Variants in SMC5 observed in about 807,000 individuals in gnomAD.
The protein encoded by SMC5 is structural maintenance of chromosomes protein 5.
Under a neutral mutation model 148.3 loss-of-function variants are expected in SMC5, and 88 were observed. The observed-to-expected ratio is 0.59, with a 90% CI of 0.50 to 0.71. SMC5 has a LOEUF of 0.71. Among genes scored for constraint, SMC5 ranks in the 30% least tolerant of loss-of-function variants. The probability of loss-of-function intolerance (pLI) is 0.00; values close to 1 mark genes in which losing one functional copy is unlikely to be tolerated. For synonymous variants in SMC5, 421 were observed against 432.8 expected, an observed-to-expected ratio of 0.97 and a Z score of 0.34; for missense variants, 1,142 against 1,298.9, an observed-to-expected ratio of 0.88 and a Z score of 1.86.
intron 11 of SMC5, among the ~76,000 whole-genome samples, chr9:70,313,477 AGTT>A (rs2035713017): frequency 6.6e-6 from 1 of 151,678 alleles, no homozygotes; most frequent in Non-Finnish European, 1.5e-5. Flanking sequence ...TATGCTTAGT[AGTT>A]GTTTTTTTTG....
intron 8 of SMC5, 66 bp from the exon 9 acceptor site, chr9:70,297,900 A>G (rs890987169): frequency 5.6e-5 from 85 of 1,517,886 alleles, no homozygotes; most frequent in Non-Finnish European, 7.4e-5. Context: ...AAACTATATT[A>G]CTACAGAAGT....
intron 17 of SMC5, among the ~76,000 whole-genome samples, chr9:70,324,923 C>T (rs2036039301): frequency 1.3e-5 from 2 of 152,162 alleles, no homozygotes. Context: ...TTACTCTTTT[C>T]TTGTGCAGTT....
At chr9:70,337,980 T>C (rs905197149) in intron 17 of SMC5, among the ~76,000 whole-genome samples, 1 of 152,154 alleles carries the variant, frequency 6.6e-6, no homozygotes. Flanking sequence ...TTTGATTATA[T>C]TTTAATAGTG....
In SMC5 at chr9:70,259,065, C is replaced by T; in HGVS notation, c.-14C>T. The T allele has an allele frequency of 6.3e-7, 1 of 1,595,008 alleles. No homozygotes were observed. Among genetic ancestry groups the T allele is most frequent in the South Asian group, 1.1e-5 (1 of 88,808 alleles). ...TGGGAACGGAAGTCGCTGTGGGACG[C>T]TGAGGAAGCCAGGATGGCGACTCCG... On this transcript the variant is annotated 5_prime_UTR_variant, in exon 1 of 25. Transcript: ENST00000361138.
intron 17 of SMC5, among the ~76,000 whole-genome samples, chr9:70,327,175 A>G (rs1308981165): frequency 1.3e-5 from 2 of 152,198 alleles, no homozygotes. Context: ...AAAGTGGCCC[A>G]CTGGAGAAAT....
At chr9:70,287,370 G>A (rs1470902362) in intron 8 of SMC5, among the ~76,000 whole-genome samples, 4 of 151,954 alleles carry the variant, frequency 2.6e-5, no homozygotes, top group African/African-American at 4.8e-5. Context: ...TAAAAGTAAG[G>A]CATTAAAAGG....
At chr9:70,346,692 T>A in intron 19 of SMC5, 43 bp downstream of exon 19, 1 of 1,602,946 alleles carries the variant, frequency 6.2e-7, no homozygotes, top group Non-Finnish European at 8.5e-7. Context: ...CTGTTTTCCC[T>A]CTGCCTTGCT....
intron 17 of SMC5, among the ~76,000 whole-genome samples, chr9:70,337,450 G>T (rs1214837045): frequency 2.5e-4 from 30 of 119,956 alleles, no homozygotes; most frequent in African/African-American, 8.4e-4. Flanking sequence ...TTTGGGATTT[G>T]TTTTTTTTTT....
At chr9:70,307,674 T>C (rs1267236933) in intron 11 of SMC5, among the ~76,000 whole-genome samples, 1 of 152,146 alleles carries the variant, frequency 6.6e-6, no homozygotes, top group Admixed American at 6.5e-5. Flanking sequence ...GGCTAATTTT[T>C]TGTATTTTTA....
chr9:70,319,984 G>A (rs1476733127), intron 15 of SMC5, among the ~76,000 whole-genome samples: 1 of 152,032 alleles, frequency 6.6e-6, no homozygotes, highest in African/African-American at 2.4e-5. Context: ...AACAAATATT[G>A]TCAGTTATTT....
intron 11 of SMC5, among the ~76,000 whole-genome samples, chr9:70,313,559 A>G (rs763692593): frequency 6.6e-5 from 10 of 151,972 alleles, no homozygotes; most frequent in Non-Finnish European, 1.3e-4. Context: ...GTGCAATGGC[A>G]TGATCTTGGC....
chr9:70,259,012 G>T lies in SMC5; in HGVS notation c.-67G>T. Reference sequence around the variant, plus strand: ...GGGAGCGGGGCGCCTGGGTGGATGGGCGCTTGGGCGCCTGGGCTGCCGGAC... The same window carrying T: ...GGGAGCGGGGCGCCTGGGTGGATGGTCGCTTGGGCGCCTGGGCTGCCGGAC... On this transcript the variant is annotated 5_prime_UTR_variant, in exon 1 of 25. Coordinates refer to ENST00000361138, the MANE Select transcript of SMC5 (RefSeq NM_015110.4). 1 of 1,493,564 alleles carries T rather than the reference G, an allele frequency of 6.7e-7. No individual in the cohort carries two copies. Among genetic ancestry groups the T allele is most frequent in the East Asian group, 2.4e-5 (1 of 40,942 alleles). The allele number at this position is 1,493,564 out of a possible 1,614,324, so 92.5% of individuals were successfully genotyped here. A position where few individuals can be genotyped will look rare whatever the true frequency, so the allele number is the denominator to read the frequency against.
intron 1 of SMC5, among the ~76,000 whole-genome samples, chr9:70,262,981 G>C (rs2034180015): frequency 6.6e-6 from 1 of 152,030 alleles, no homozygotes; most frequent in African/African-American, 2.4e-5. Flanking sequence ...AATTGCAGAG[G>C]CTTTGTTTTT....
Position 70,314,743 on chromosome 9 carries a change from T to G in SMC5, c.1580T>G (p.Val527Gly). The part of the protein sequence containing the change: ...QEDMEVFLKE[V>G]RDNKKLRVNA... ...ATATTTTCTTTTCCCTATATTCAGG[T>G]TCGTGACAATAAAAAATTAAGAGTA... The change falls in exon 12 of 25, where the codon GTT (valine) becomes GGT (glycine). Residue 527 changes from valine (V) to glycine (G), a missense_variant and splice_region_variant. This residue lies in a region of SMC5 where 743 missense variants were observed against 835.7 expected (regional missense o/e 0.89). Transcript: ENST00000361138. The G allele has an allele frequency of 6.6e-7, 1 of 1,521,820 alleles. No homozygotes were observed. Among genetic ancestry groups the G allele is most frequent in the Non-Finnish European group, 8.9e-7 (1 of 1,121,496 alleles). 94.3% of individuals were successfully genotyped at this position (1,521,820 alleles called of 1,614,324 possible). A position where few individuals can be genotyped will look rare whatever the true frequency, so the allele number is the denominator to read the frequency against.
chr9:70,275,824 A>G (rs951950664), intron 3 of SMC5, among the ~76,000 whole-genome samples: 2 of 152,092 alleles, frequency 1.3e-5, no homozygotes, highest in South Asian at 4.1e-4. Flanking sequence ...TCAGTTTTGC[A>G]AAGTTCTTTT....
chr9:70,315,656 C>A, intron 13 of SMC5, 78 bp downstream of exon 13: 1 of 1,177,632 alleles, frequency 8.5e-7, no homozygotes, highest in Non-Finnish European at 1.1e-6. Flanking sequence ...TAAAGGCAAG[C>A]AAAACGTGTC....
At chr9:70,308,952 C>T (rs1213265457) in intron 11 of SMC5, among the ~76,000 whole-genome samples, 1 of 152,102 alleles carries the variant, frequency 6.6e-6, no homozygotes, top group Non-Finnish European at 1.5e-5. Flanking sequence ...TAAAGCAAGT[C>T]ATACAAACTT....
rs781676744 is a variant in SMC5 at position 70,297,938 on chromosome 9, A to C, written c.1054-28A>C. On this transcript the variant is annotated intron_variant, in intron 8 of 24. Transcript: ENST00000361138. ...TATAAACCAAGAGGAAAACAGTCTCAAGTACTAACCTACTTTTGTTTTATT... is the reference window on the plus strand; with the variant it reads ...TATAAACCAAGAGGAAAACAGTCTCCAGTACTAACCTACTTTTGTTTTATT... 3 of 1,595,728 alleles carry C rather than the reference A, an allele frequency of 1.9e-6. No individual in the cohort carries two copies. The African/African-American group carries it at 4.1e-5, about 22-fold the overall frequency.
intron 17 of SMC5, among the ~76,000 whole-genome samples, chr9:70,342,422 G>A (rs1402696114): frequency 6.6e-6 from 1 of 151,876 alleles, no homozygotes; most frequent in Admixed American, 6.6e-5. Flanking sequence ...AATAATACAG[G>A]TGTCCAGACC....
Sources: allele counts gnomAD v4.1 joint callset (sites outside exome capture counted in the v4.1 genomes callset), GRCh38; gene constraint gnomAD v4.1.1; regional missense constraint gnomAD v4.1.1; transcripts MANE v1.5; gene names NCBI Gene and HGNC (gene_info 2026-07-23, HGNC 2026-07-21).